COL4A1: variants seen among roughly 807,000 people sequenced by gnomAD.
COL4A1 encodes collagen type IV alpha 1 chain, also known as collagen alpha-1(IV) chain.
A neutral mutation model predicts 216.6 loss-of-function variants in COL4A1; 40 were observed. The ratio of observed to expected loss-of-function variants is 0.18; its 90% confidence interval spans 0.14 to 0.24. The LOEUF is 0.24. Among genes scored for constraint, COL4A1 ranks in the 10% least tolerant of loss-of-function variants. The probability of loss-of-function intolerance (pLI) is 1.00; values close to 1 mark genes in which losing one functional copy is unlikely to be tolerated. For missense variants in COL4A1, 1,628 were observed against 2,196.8 expected (o/e 0.74, Z 5.18); for synonymous variants, 839 against 810.7 (o/e 1.03, Z -0.59).
At chr13:110,212,179 G>A (rs1246398654) in intron 6 of COL4A1, among the ~76,000 whole-genome samples, 5 of 152,132 alleles carry the variant, frequency 3.3e-5, no homozygotes, top group African/African-American at 9.7e-5. Flanking sequence ...AATAACTTTC[G>A]TGCTTAAATG....
chr13:110,251,469 T>C (rs2139258528), intron 1 of COL4A1, among the ~76,000 whole-genome samples: 1 of 152,314 alleles, frequency 6.6e-6, no homozygotes, highest in East Asian at 1.9e-4. Flanking sequence ...TCACTTCCCA[T>C]CTACTGCACG....
At position 110,209,411 on chromosome 13, in the gene COL4A1, G is replaced by A. The variant is rs770286691; in HGVS notation, c.632C>T (p.Pro211Leu). ...TTTTACCTTTTCACCTGGAGGGCCG[G>A]GAGGGCCTGGGGGACCCTGGGAGAG... ...FTGPPGPPGP[P>L]GPPGEKGQMG... Residue 211 changes from proline (P) to leucine (L), a missense_variant, in exon 11 of 52, where the codon CCC becomes CTC. Around this residue, in one of 8 missense-constraint regions of COL4A1, gnomAD observed 150 missense variants for 211.9 expected, o/e 0.71. Transcript: ENST00000375820. 6 of 1,611,102 alleles carry A rather than the reference G, an allele frequency of 3.7e-6. No homozygotes were observed. Among genetic ancestry groups the A allele is most frequent in the Non-Finnish European group, 5.1e-6 (6 of 1,178,502 alleles).
At chr13:110,271,979 A>T (rs1411016013) in intron 1 of COL4A1, among the ~76,000 whole-genome samples, 1 of 152,220 alleles carries the variant, frequency 6.6e-6, no homozygotes, top group African/African-American at 2.4e-5. Context: ...CTTCAAAGCC[A>T]GTTTTACAGG....
At chr13:110,198,829 A>G (rs1879027823) in intron 20 of COL4A1, among the ~76,000 whole-genome samples, 198 bp from the exon 21 acceptor site, 2 of 152,236 alleles carry the variant, frequency 1.3e-5, no homozygotes, top group Non-Finnish European at 2.9e-5. Flanking sequence ...GTTTCCTACA[A>G]ATTAACTTCA....
intron 36 of COL4A1, 108 bp downstream of exon 36, chr13:110,176,316 G>C: frequency 1.3e-6 from 1 of 789,330 alleles, no homozygotes; most frequent in South Asian, 1.4e-5. Flanking sequence ...AAAGACACAC[G>C]TGCCTGGATT....
At chr13:110,225,716 C>A (rs1000069346) in intron 2 of COL4A1, among the ~76,000 whole-genome samples, 1 of 152,198 alleles carries the variant, frequency 6.6e-6, no homozygotes, top group African/African-American at 2.4e-5. Context: ...CAAAAACAAG[C>A]ACCTGCACTC....
At chr13:110,305,306 C>T (rs529341861) in intron 1 of COL4A1, among the ~76,000 whole-genome samples, 1 of 152,364 alleles carries the variant, frequency 6.6e-6, no homozygotes, top group South Asian at 2.1e-4. Context: ...GAAGTAAAAT[C>T]ATCTCCAACT....
chr13:110,219,706 ACATATGTG>A (rs1880305583), intron 2 of COL4A1, among the ~76,000 whole-genome samples: 1 of 78,322 alleles, frequency 1.3e-5, no homozygotes, highest in South Asian at 4.9e-4. Flanking sequence ...ATATGTATAT[ACATATGTG>A]TATATATATG....
rs74124076 is a variant in COL4A1 at position 110,294,188 on chromosome 13, G to A, written c.84+12756C>T. On this transcript the variant is annotated intron_variant, in intron 1 of 51. Coordinates refer to ENST00000375820, the MANE Select transcript of COL4A1 (RefSeq NM_001845.6). ...TGCAGAGATGGTAGCACGACCACTC[G>A]GGTCCTGTGGAACTAGAGGTCTGAG... Among the ~76,000 whole-genome samples, 780 of 152,260 alleles carry A rather than the reference G, an allele frequency of 5.1e-3. 10 individuals are homozygous for A. The highest frequency in any genetic ancestry group is 0.018 in the African/African-American group (750 of 41,542).
rs1381084317 is a variant in COL4A1, at chr13:110,163,443, T to C, written c.4249+20A>G. The C allele has an allele frequency of 2.5e-6, 4 of 1,611,238 alleles. No individual in the cohort carries two copies. The highest frequency in any genetic ancestry group is 1.7e-5 in the Admixed American group (1 of 60,002). On this transcript the variant is annotated intron_variant, in intron 47 of 51. Transcript: ENST00000375820. ...AAGATCCTGGTCAAGGGTAATTACG[T>C]TGGAAGTTTCGCAACCTACCAGTAG...
chr13:110,194,276 T>C (rs1878776304), intron 22 of COL4A1, among the ~76,000 whole-genome samples: 3 of 152,220 alleles, frequency 2.0e-5, no homozygotes, highest in African/African-American at 7.2e-5. Context: ...TCTTACACAT[T>C]TGAAGACTAA....
At chr13:110,156,871 T>C (rs1032045429) in intron 49 of COL4A1, among the ~76,000 whole-genome samples, 1 of 152,170 alleles carries the variant, frequency 6.6e-6, no homozygotes, top group African/African-American at 2.4e-5. Flanking sequence ...CTTGTGTGTG[T>C]GTCTGTCTGT....
Position 110,173,992 on chromosome 13 carries a change from G to C in COL4A1, c.3413C>G (p.Pro1138Arg). 6.2e-7 allele frequency: 1 copy of C among 1,614,052 alleles called. No homozygotes were observed. Among genetic ancestry groups the C allele is most frequent in the Non-Finnish European group, 8.5e-7 (1 of 1,180,006 alleles). The change falls in exon 40 of 52, where the codon CCT becomes CGT. Residue 1138 changes from proline (P) to arginine (R), a missense_variant. This residue lies in a region of COL4A1 where 345 missense variants were observed against 476.9 expected (regional missense o/e 0.72). Transcript: ENST00000375820. Reference protein sequence around the residue: ...IPGVKGEAGLPGTPGPTGPAG... With the variant: ...IPGVKGEAGLRGTPGPTGPAG... Reference sequence around the variant, plus strand: ...TGGGCCTGTGGGGCCAGGAGTCCCAGGAAGACCTCAAAGAGAAAAGTCACA... The same window carrying C: ...TGGGCCTGTGGGGCCAGGAGTCCCACGAAGACCTCAAAGAGAAAAGTCACA...
At chr13:110,245,790 G>T (rs1881779050) in intron 1 of COL4A1, among the ~76,000 whole-genome samples, 1 of 152,146 alleles carries the variant, frequency 6.6e-6, no homozygotes, top group Admixed American at 6.6e-5. Context: ...TGTGCTTTTG[G>T]TACAGAAACA....
intron 2 of COL4A1, among the ~76,000 whole-genome samples, chr13:110,225,177 T>C (rs554671617): frequency 6.8e-4 from 104 of 152,276 alleles, no homozygotes; most frequent in African/African-American, 2.3e-3. Flanking sequence ...CAGAGCCGCG[T>C]ACATAGCACC....
intron 2 of COL4A1, among the ~76,000 whole-genome samples, chr13:110,237,370 G>A (rs1881363258): frequency 1.3e-5 from 2 of 152,086 alleles, no homozygotes; most frequent in African/African-American, 2.4e-5. Context: ...TTCCATCCAG[G>A]GTGAGTCTGC....
At chr13:110,152,732 G>A (rs554043258) in intron 50 of COL4A1, among the ~76,000 whole-genome samples, 45 of 152,338 alleles carry the variant, frequency 3.0e-4, no homozygotes, top group African/African-American at 1.0e-3. Flanking sequence ...CCCAGGGATC[G>A]TCTAATGGCT....
At chr13:110,225,229 C>T (rs543781349) in intron 2 of COL4A1, among the ~76,000 whole-genome samples, 1 of 152,294 alleles carries the variant, frequency 6.6e-6, no homozygotes, top group South Asian at 2.1e-4. Flanking sequence ...ACTGGCATTC[C>T]CTCTCGTTCC....
In COL4A1 at chr13:110,281,847, C is replaced by T. The variant is rs531983392; in HGVS notation, c.84+25097G>A. Among the ~76,000 whole-genome samples the T allele has an allele frequency of 9.2e-5, 14 of 152,314 alleles. No homozygotes were observed. In the South Asian group the frequency reaches 1.9e-3, roughly 20 times the overall value. On this transcript the variant is annotated intron_variant, in intron 1 of 51. Coordinates refer to ENST00000375820, the MANE Select transcript of COL4A1 (RefSeq NM_001845.6). The stretch of plus-strand genomic sequence containing the variant: ...TCTGTTTCTCTGCCCTTCAGAGAGT[C>T]GGCACACAGTTCTGTGGATGTTTTC...
Sources: gnomAD v4.1 joint callset for allele counts (sites outside exome capture counted in the v4.1 genomes callset) on GRCh38, gnomAD v4.1.1 for gene constraint, gnomAD v4.1.1 regional missense constraint, MANE v1.5 for transcripts, NCBI Gene and HGNC (gene_info 2026-07-23, HGNC 2026-07-21) for gene names.